The following AP1S3 variants were observed in gnomAD, a reference collection of about 807,000 sequenced individuals.
AP1S3 encodes the protein adaptor related protein complex 1 subunit sigma 3, also known as AP-1 complex subunit sigma-3.
In AP1S3, 10 loss-of-function variants were observed where a neutral mutation model predicts 20.9. The observed-to-expected ratio is 0.48, with a 90% CI of 0.29 to 0.81. The LOEUF is 0.81. Among genes scored for constraint, AP1S3 ranks in the 30% least tolerant of loss-of-function variants. The pLI, the probability that AP1S3 is intolerant of heterozygous loss-of-function variation, is 0.08. For missense variants in AP1S3, 154 were observed against 183.8 expected (o/e 0.84, Z 0.94); for synonymous variants, 41 against 61.5 (o/e 0.67, Z 1.56).
chr2:223,780,902 T>C (rs1030884190), intron 1 of AP1S3, among the ~76,000 whole-genome samples: 3 of 151,848 alleles, frequency 2.0e-5, no homozygotes, highest in Admixed American at 1.3e-4. Context: ...AGGCACTGAG[T>C]ATAGTACTTA....
chr2:223,782,310 G>C (rs12468222), intron 1 of AP1S3, among the ~76,000 whole-genome samples: 4,868 of 152,240 alleles, frequency 0.032, 146 homozygotes, highest in East Asian at 0.17. Flanking sequence ...ACTGTGCCTG[G>C]CCGCCTTTAA....
At chr2:223,829,588 T>C (rs1692211368) in intron 1 of AP1S3, among the ~76,000 whole-genome samples, 2 of 152,072 alleles carry the variant, frequency 1.3e-5, no homozygotes, top group African/African-American at 4.8e-5. Context: ...GGAGAATCAC[T>C]TGAACCCAGG....
intron 1 of AP1S3, among the ~76,000 whole-genome samples, chr2:223,821,154 TTATC>T (rs751141599): frequency 1.1e-4 from 17 of 152,068 alleles, no homozygotes; most frequent in Non-Finnish European, 1.9e-4. Flanking sequence ...ATCTATCTAT[TTATC>T]TATCTATCTA....
rs1461729910 is a variant in AP1S3, at chr2:223,756,151, A to G, written c.*2564T>C. The G allele has an allele frequency of 5.7e-6, 3 of 524,478 alleles. No homozygotes were observed. Among genetic ancestry groups the G allele is most frequent in the Non-Finnish European group, 7.3e-6 (3 of 409,338 alleles). 32.5% of individuals were successfully genotyped at this position (524,478 alleles called of 1,614,324 possible). A position where few individuals can be genotyped will look rare whatever the true frequency, so the allele number is the denominator to read the frequency against. ...GTCGGCGTTCAAGACCAGCCTGACC[A>G]ACATGGAGAAATCCCAACTCTACCA... On this transcript the variant is annotated 3_prime_UTR_variant, in exon 5 of 5. Coordinates refer to ENST00000396654, the MANE Select transcript of AP1S3 (RefSeq NM_001039569.2).
intron 3 of AP1S3, 148 bp from the exon 4 acceptor site, chr2:223,765,498 C>A: frequency 1.3e-6 from 1 of 753,884 alleles, no homozygotes; most frequent in Non-Finnish European, 2.1e-6. Flanking sequence ...AAAAAAAGAA[C>A]AGGGAATGTC....
chr2:223,827,035 T>C (rs1160462242), intron 1 of AP1S3, among the ~76,000 whole-genome samples: 1 of 152,188 alleles, frequency 6.6e-6, no homozygotes, highest in Non-Finnish European at 1.5e-5. Flanking sequence ...CAATGGTATA[T>C]CCATCATACC....
rs373197668 is a variant in AP1S3, at chr2:223,814,953, C to A, written c.3+22495G>T. Reference sequence around the variant, plus strand: ...TATCACTCCGGGCTAATTCTTTTATCTGTAGAAAGGGGTGTCTCACTATGT... The same window carrying A: ...TATCACTCCGGGCTAATTCTTTTATATGTAGAAAGGGGTGTCTCACTATGT... On this transcript the variant is annotated intron_variant, in intron 1 of 4. Transcript: ENST00000396654. Among the ~76,000 whole-genome samples the A allele has an allele frequency of 3.2e-4, 49 of 152,042 alleles. 1 individual carries two copies. Among genetic ancestry groups the A allele is most frequent in the East Asian group, 2.7e-3 (14 of 5,168 alleles).
intron 1 of AP1S3, among the ~76,000 whole-genome samples, chr2:223,786,030 T>C (rs544634374): frequency 1.2e-4 from 19 of 152,318 alleles, no homozygotes; most frequent in East Asian, 3.9e-4. Flanking sequence ...GGGACGTTGA[T>C]AATGGGAGAG....
At chr2:223,817,550 G>A (rs1269816666) in intron 1 of AP1S3, among the ~76,000 whole-genome samples, 4 of 149,330 alleles carry the variant, frequency 2.7e-5, no homozygotes, top group African/African-American at 7.5e-5. Context: ...GGAGGTTGCA[G>A]TGAGCCGAGA....
intron 1 of AP1S3, among the ~76,000 whole-genome samples, chr2:223,820,380 T>C (rs906693665): frequency 2.0e-5 from 3 of 152,202 alleles, no homozygotes; most frequent in Admixed American, 2.0e-4. Flanking sequence ...ATTGCCAGAA[T>C]ATTTTTTTTC....
intron 1 of AP1S3, among the ~76,000 whole-genome samples, chr2:223,822,011 A>C (rs1275473029): frequency 2.0e-5 from 3 of 152,106 alleles, no homozygotes; most frequent in Non-Finnish European, 4.4e-5. Context: ...ATAGAAACGA[A>C]GTCCCCTCAT....
intron 1 of AP1S3, among the ~76,000 whole-genome samples, chr2:223,823,840 G>A (rs1175622047): frequency 6.6e-6 from 1 of 152,114 alleles, no homozygotes. Context: ...TATCAAAACA[G>A]CTTGTTGTAC....
chr2:223,784,486 A>G (rs1435875701), intron 1 of AP1S3, among the ~76,000 whole-genome samples: 1 of 151,834 alleles, frequency 6.6e-6, no homozygotes, highest in Non-Finnish European at 1.5e-5. Flanking sequence ...ACCCTCACCT[A>G]CCTCTTTGAG....
intron 4 of AP1S3, among the ~76,000 whole-genome samples, chr2:223,760,333 A>C (rs1690323311): frequency 6.6e-6 from 1 of 152,226 alleles, no homozygotes; most frequent in South Asian, 2.1e-4. Flanking sequence ...ACGCTGACTG[A>C]CATGGGCTGA....
intron 1 of AP1S3, among the ~76,000 whole-genome samples, chr2:223,780,384 G>GTA (rs1690914503): frequency 6.8e-6 from 1 of 146,410 alleles, no homozygotes; most frequent in Non-Finnish European, 1.5e-5. Context: ...GTGTGTGTGT[G>GTA]TGTGTGTGTG....
chr2:223,805,442 CA>C (rs894113425), intron 1 of AP1S3, among the ~76,000 whole-genome samples: 9 of 148,926 alleles, frequency 6.0e-5, no homozygotes, highest in East Asian at 2.0e-4. Context: ...AACTCCATCT[CA>C]AAAAAAAAAT....
intron 3 of AP1S3, among the ~76,000 whole-genome samples, chr2:223,769,469 C>T (rs981190965): frequency 1.3e-5 from 2 of 152,172 alleles, no homozygotes; most frequent in African/African-American, 4.8e-5. Context: ...TAGATATGCA[C>T]TGGCCCTTTC....
chr2:223,795,959 G>A (rs997996121), intron 1 of AP1S3, among the ~76,000 whole-genome samples: 24 of 152,096 alleles, frequency 1.6e-4, no homozygotes, highest in Non-Finnish European at 2.1e-4. Flanking sequence ...GATCACCTGA[G>A]GTCAAGAGAT....
At chr2:223,787,736 C>T (rs1377824985) in intron 1 of AP1S3, among the ~76,000 whole-genome samples, 2 of 151,296 alleles carry the variant, frequency 1.3e-5, no homozygotes, top group African/African-American at 4.8e-5. Context: ...AGTGAAAACG[C>T]ACATGCATAT....
Sources: gnomAD v4.1 joint callset for allele counts (sites outside exome capture counted in the v4.1 genomes callset) on GRCh38, gnomAD v4.1.1 for gene constraint, MANE v1.5 for transcripts, NCBI Gene and HGNC (gene_info 2026-07-23, HGNC 2026-07-21) for gene names.